Variants in WASF3 observed in about 807,000 individuals in gnomAD.
WASF3 encodes WASP family member 3.
In WASF3, 11 loss-of-function variants were observed where a neutral mutation model predicts 46.6. The ratio of observed to expected loss-of-function variants is 0.24; its 90% CI spans 0.15 to 0.39. The LOEUF is 0.39. Among genes scored for constraint, WASF3 ranks in the 10% least tolerant of loss-of-function variants. The pLI, the probability that WASF3 is intolerant of heterozygous loss-of-function variation, is 1.00. For missense variants in WASF3, 576 were observed against 669.8 expected (o/e 0.86, Z 1.55); for synonymous variants, 242 against 259.7 (o/e 0.93, Z 0.65).
chr13:26,667,636 A>G lies in WASF3; in HGVS notation c.388A>G (p.Lys130Glu). Residue 130 changes from lysine to glutamate, a missense_variant, in exon 5 of 10, where the codon AAG becomes GAG. Coordinates refer to ENST00000335327, the MANE Select transcript of WASF3 (RefSeq NM_006646.6). ...PVADIYNQSD[K>E]PPPLNILTPY... ...TGCTGATATTTACAACCAGAGTGAT[A>G]AGCCACCGCCTCTGAACATCCTGAC... 1 of 1,614,108 alleles carries G rather than the reference A, an allele frequency of 6.2e-7. No homozygotes were observed. Among genetic ancestry groups the G allele is most frequent in the Non-Finnish European group, 8.5e-7 (1 of 1,180,002 alleles).
intron 2 of WASF3, among the ~76,000 whole-genome samples, chr13:26,624,929 A>C (rs973150738): frequency 4.6e-5 from 7 of 152,090 alleles, no homozygotes; most frequent in Admixed American, 4.6e-4. Flanking sequence ...CAAATAAAGA[A>C]TGTTTCAGAC....
chr13:26,590,596 C>T (rs1880261299), intron 1 of WASF3, among the ~76,000 whole-genome samples: 1 of 152,078 alleles, frequency 6.6e-6, no homozygotes, highest in Admixed American at 6.5e-5. Context: ...GTGAGATCAC[C>T]AAGGGAGGGC....
chr13:26,675,591 T>C (rs1235163311), intron 6 of WASF3, among the ~76,000 whole-genome samples: 1 of 151,566 alleles, frequency 6.6e-6, no homozygotes, highest in Admixed American at 6.6e-5. Flanking sequence ...ACATTTATAA[T>C]AGTACCTTTA....
intron 6 of WASF3, among the ~76,000 whole-genome samples, chr13:26,672,487 G>A (rs1487956215): frequency 1.3e-5 from 2 of 152,182 alleles, no homozygotes; most frequent in Non-Finnish European, 2.9e-5. Flanking sequence ...GGTAGGGGTA[G>A]GAAGAGAATT....
intron 1 of WASF3, among the ~76,000 whole-genome samples, chr13:26,591,541 TG>T (rs1276038608): frequency 6.6e-6 from 1 of 151,904 alleles, no homozygotes; most frequent in Non-Finnish European, 1.5e-5. Context: ...AGCTGAGATA[TG>T]GGGTTGCCAT....
intron 3 of WASF3, among the ~76,000 whole-genome samples, chr13:26,656,120 T>G (rs1226728953): frequency 6.6e-6 from 1 of 151,676 alleles, no homozygotes; most frequent in Non-Finnish European, 1.5e-5. Flanking sequence ...ATACCTTGAT[T>G]GTTTCCAGTA....
At chr13:26,544,073 G>T in the WASF3 span, among the ~76,000 whole-genome samples, 1 of 152,114 alleles carries the variant, frequency 6.6e-6, no homozygotes, top group African/African-American at 2.4e-5. Flanking sequence ...TAATTTGAGA[G>T]GCACAGGAAG....
chr13:26,634,233 A>G (rs1032167500), intron 2 of WASF3, among the ~76,000 whole-genome samples: 9 of 152,180 alleles, frequency 5.9e-5, no homozygotes, highest in Non-Finnish European at 1.2e-4. Flanking sequence ...TCCCTTTACC[A>G]TTATGTAATG....
Position 26,581,966 on chromosome 13 carries a change from T to G in WASF3, c.-109+24147T>G, listed in dbSNP as rs150958994. The stretch of plus-strand genomic sequence containing the variant: ...GAGTATTTGATAGATTTGTGGTTTA[T>G]AGACAGTAAATTCTATAATCGATGA... On this transcript the variant is annotated intron_variant, in intron 1 of 9. Transcript: ENST00000335327. Among the ~76,000 whole-genome samples, 858 of 152,368 alleles carry G rather than the reference T, an allele frequency of 5.6e-3. 10 individuals are homozygous for G. The highest frequency in any genetic ancestry group is 0.02 in the African/African-American group (817 of 41,590).
rs143758792 is a variant in WASF3, at chr13:26,624,040, T to G, written c.-11+10982T>G. 9.3e-4 allele frequency among the ~76,000 whole-genome samples: 141 copies of G among 152,334 alleles called. 1 individual carries two copies. Among genetic ancestry groups the G allele is most frequent in the African/African-American group, 3.1e-3 (127 of 41,576 alleles). On this transcript the variant is annotated intron_variant, in intron 2 of 9. Coordinates refer to ENST00000335327, the MANE Select transcript of WASF3 (RefSeq NM_006646.6). ...TGCTGGACAAGAAATACTGTTTACT[T>G]AGTCTCTACTGCTTTGCAAATGATA...
At chr13:26,548,675 C>G in the WASF3 span, among the ~76,000 whole-genome samples, 1 of 152,132 alleles carries the variant, frequency 6.6e-6, no homozygotes, top group Non-Finnish European at 1.5e-5. Flanking sequence ...AATTTCCTAG[C>G]AAGATATTCA....
intron 5 of WASF3, 83 bp from the exon 6 acceptor site, chr13:26,671,789 G>A: frequency 2.2e-6 from 2 of 916,814 alleles, no homozygotes; most frequent in Non-Finnish European, 1.7e-6. Flanking sequence ...AATTTCATGA[G>A]TTCAAATCAA....
chr13:26,590,078 T>G lies in WASF3; in HGVS notation c.-108-22883T>G, dbSNP rs780065262. ...CTGAAGACCCATATCTGAATAGCAT[T>G]CTAACAGTATTTCTCATTAATATGC... On this transcript the variant is annotated intron_variant, in intron 1 of 9. Transcript: ENST00000335327. Among the ~76,000 whole-genome samples, 15 of 152,232 alleles carry G rather than the reference T, an allele frequency of 9.9e-5. 1 individual carries two copies. Among genetic ancestry groups the G allele is most frequent in the Non-Finnish European group, 8.8e-5 (6 of 68,046 alleles).
In WASF3 at chr13:26,624,939, C is replaced by CA. The variant is rs552616098; in HGVS notation, c.-11+11884dup. On this transcript the variant is annotated intron_variant, in intron 2 of 9. Transcript: ENST00000335327. ...AAGGCCAAATAAAGAATGTTTCAGA[C>CA]AAACAAAAGCTGAGGGAATTTATTG... is the stretch of plus-strand genomic sequence containing the variant. 2.3e-3 allele frequency among the ~76,000 whole-genome samples: 354 copies of CA among 152,070 alleles called. 2 individuals carry two copies. Among genetic ancestry groups the CA allele is most frequent in the Non-Finnish European group, 2.9e-3 (195 of 67,972 alleles).
chr13:26,660,235 A>T (rs1882591755), intron 3 of WASF3, among the ~76,000 whole-genome samples: 1 of 118,596 alleles, frequency 8.4e-6, no homozygotes, highest in African/African-American at 3.5e-5. Flanking sequence ...TTTTTAGCAA[A>T]AAGAACTTTT....
intron 2 of WASF3, among the ~76,000 whole-genome samples, chr13:26,625,470 T>G (rs1396518093): frequency 6.6e-6 from 1 of 151,724 alleles, no homozygotes; most frequent in Admixed American, 6.6e-5. Flanking sequence ...AGCTTTGGAG[T>G]CTGAAAGCCT....
intron 3 of WASF3, 134 bp downstream of exon 3, chr13:26,642,537 T>G (rs1882030535): frequency 8.8e-7 from 1 of 1,142,476 alleles, no homozygotes; most frequent in Non-Finnish European, 1.2e-6. Flanking sequence ...TATTTCCCAG[T>G]ATGAAATTGA....
intron 2 of WASF3, among the ~76,000 whole-genome samples, chr13:26,629,842 C>G (rs1050752944): frequency 3.3e-5 from 5 of 152,148 alleles, no homozygotes; most frequent in African/African-American, 4.8e-5. Flanking sequence ...GCCTGGACCC[C>G]TGGTTCTCTG....
At chr13:26,642,699 AT>A (rs1181031589) in intron 3 of WASF3, among the ~76,000 whole-genome samples, 2 of 152,354 alleles carry the variant, frequency 1.3e-5, no homozygotes, top group South Asian at 2.1e-4. Flanking sequence ...ATAATTGGTA[AT>A]TTTTTAAACT....
Sources: allele counts gnomAD v4.1 joint callset (sites outside exome capture counted in the v4.1 genomes callset), GRCh38; gene constraint gnomAD v4.1.1; transcripts MANE v1.5; gene names NCBI Gene and HGNC (gene_info 2026-07-23, HGNC 2026-07-21).